BNIP3L: variants seen among roughly 807,000 people sequenced by gnomAD.
The protein encoded by BNIP3L is BCL2 interacting protein 3 like, also known as BCL2/adenovirus E1B 19 kDa protein-interacting protein 3-like.
BNIP3L carries 10 observed loss-of-function variants against 25.5 expected under a neutral mutation model. The ratio of observed to expected loss-of-function variants is 0.39; its 90% CI spans 0.24 to 0.67. The LOEUF is 0.67. BNIP3L is among the 30% of genes least tolerant of loss of function. BNIP3L has a pLI of 0.45. For missense variants in BNIP3L, 215 were observed against 270.9 expected (o/e 0.79, Z 1.45); for synonymous variants, 113 against 101.2 (o/e 1.12, Z -0.70).
intron 3 of BNIP3L, among the ~76,000 whole-genome samples, chr8:26,401,856 A>G (rs1806390456): frequency 6.6e-6 from 1 of 152,236 alleles, no homozygotes; most frequent in Non-Finnish European, 1.5e-5. Flanking sequence ...TATGGTAAGT[A>G]TATAACTGTG....
Position 26,408,101 on chromosome 8 carries a change from C to A in BNIP3L, c.459C>A (p.Pro153=). The A allele has an allele frequency of 6.2e-7, 1 of 1,614,050 alleles. No individual in the cohort carries two copies. Among genetic ancestry groups the A allele is most frequent in the Non-Finnish European group, 8.5e-7 (1 of 1,179,894 alleles). The change falls in exon 4 of 6, where the codon CCC becomes CCA. Residue 153 remains proline (P), a splice_region_variant and synonymous_variant. Coordinates refer to ENST00000380629, the MANE Select transcript of BNIP3L (RefSeq NM_004331.3). ...CCAGTAGACCCGAAAACATTCCACCCAAGTGAGTTCTCACATGTTTCTTGT... is the reference window on the plus strand; with the variant it reads ...CCAGTAGACCCGAAAACATTCCACCAAAGTGAGTTCTCACATGTTTCTTGT... ...DWSSRPENIP[P]KEFHFRHPKR...
chr8:26,394,845 A>G (rs1366642634), intron 2 of BNIP3L, among the ~76,000 whole-genome samples: 1 of 152,234 alleles, frequency 6.6e-6, no homozygotes, highest in Non-Finnish European at 1.5e-5. Context: ...CTACTGGTGA[A>G]TTATTTAATG....
Position 26,410,626 on chromosome 8 carries a change from G to C in BNIP3L, c.*214G>C. ...CCCTTTTTGGCCTGAAGACATTTTA[G>C]AATTTCCTAACAGAGTTTACTGTTG... On this transcript the variant is annotated 3_prime_UTR_variant, in exon 6 of 6. Transcript: ENST00000380629. The C allele has an allele frequency of 1.7e-6, 1 of 571,434 alleles. No individual in the cohort carries two copies. Among genetic ancestry groups the C allele is most frequent in the Non-Finnish European group, 3.1e-6 (1 of 323,352 alleles). 35.4% of individuals were successfully genotyped at this position (571,434 alleles called of 1,614,324 possible).
intron 2 of BNIP3L, among the ~76,000 whole-genome samples, chr8:26,393,475 C>T (rs1806159248): frequency 6.7e-6 from 1 of 150,204 alleles, no homozygotes; most frequent in Non-Finnish European, 1.5e-5. Context: ...TTGACAGGGG[C>T]AGGGTAGAGA....
At chr8:26,390,920 A>AT (rs1200335829) in intron 1 of BNIP3L, among the ~76,000 whole-genome samples, 4 of 151,532 alleles carry the variant, frequency 2.6e-5, no homozygotes, top group African/African-American at 2.4e-5. Flanking sequence ...AAAAGTAGCA[A>AT]TTTTTTTTTG....
intron 5 of BNIP3L, among the ~76,000 whole-genome samples, chr8:26,409,721 A>G (rs1023440872): frequency 2.0e-5 from 3 of 152,212 alleles, no homozygotes; most frequent in Admixed American, 6.5e-5. Context: ...GGCTGTAAGT[A>G]TAACTATTGC....
At chr8:26,385,046 G>T (rs1805961024) in intron 1 of BNIP3L, among the ~76,000 whole-genome samples, 1 of 152,042 alleles carries the variant, frequency 6.6e-6, no homozygotes, top group East Asian at 1.9e-4. Context: ...CTCCCAAAGT[G>T]CTGGGATTAC....
rs1806622240 is a variant in BNIP3L at position 26,411,392 on chromosome 8, T to C, written c.*980T>C. ...TTGTTTTAGGAAGCATCACCTATAC[T>C]CTGAAGCCTTTAAACTCTGAAGAGA... On this transcript the variant is annotated 3_prime_UTR_variant, in exon 6 of 6. Transcript: ENST00000380629. The C allele has an allele frequency of 6.6e-6, 1 of 152,272 alleles. No individual in the cohort carries two copies. Among genetic ancestry groups the C allele is most frequent in the South Asian group, 2.1e-4 (1 of 4,832 alleles). 9.4% of individuals were successfully genotyped at this position (152,272 alleles called of 1,614,324 possible).
chr8:26,408,444 T>C (rs1806547368), intron 5 of BNIP3L, 68 bp downstream of exon 5: 1 of 1,512,458 alleles, frequency 6.6e-7, no homozygotes, highest in Non-Finnish European at 8.9e-7. Flanking sequence ...ATTGAAGAAA[T>C]GTATGTGAAA....
chr8:26,406,808 G>C (rs1369687674), intron 3 of BNIP3L, among the ~76,000 whole-genome samples: 1 of 147,650 alleles, frequency 6.8e-6, no homozygotes, highest in Admixed American at 6.8e-5. Context: ...AGGAGACCCT[G>C]TCTCCAGAAA....
intron 1 of BNIP3L, among the ~76,000 whole-genome samples, chr8:26,384,697 G>T: frequency 6.9e-6 from 1 of 144,594 alleles, no homozygotes. Context: ...AGGTTCTCAT[G>T]TTCAGCCTGT....
At chr8:26,396,352 C>T (rs1158886612) in intron 3 of BNIP3L, among the ~76,000 whole-genome samples, 3 of 70,302 alleles carry the variant, frequency 4.3e-5, no homozygotes, top group African/African-American at 1.6e-4. Flanking sequence ...AGGCACCCCC[C>T]AGCAGGGGCA....
intron 3 of BNIP3L, chr8:26,395,742 A>G (rs202122109): frequency 0.059 from 10,223 of 173,840 alleles, 310 homozygotes; most frequent in East Asian, 0.24. Flanking sequence ...AGTGCCAGAC[A>G]GTGGGCGCAG....
chr8:26,398,891 C>G (rs1448226481), intron 3 of BNIP3L, among the ~76,000 whole-genome samples: 1 of 151,180 alleles, frequency 6.6e-6, no homozygotes, highest in African/African-American at 2.4e-5. Flanking sequence ...TCTGAATAGA[C>G]CAATAACAGG....
chr8:26,387,890 G>A (rs1806025108), intron 1 of BNIP3L, among the ~76,000 whole-genome samples: 1 of 152,204 alleles, frequency 6.6e-6, no homozygotes. Context: ...TTGCCATTTA[G>A]ATAATGGTTA....
rs562397143 is a variant in BNIP3L, at chr8:26,407,267, G to A, written c.358-733G>A. The stretch of plus-strand genomic sequence containing the variant: ...GTGGCGCGATCTCTGCTCACTGCAA[G>A]CTCCGCCTCCTGGGTTCACGCCATT... On this transcript the variant is annotated intron_variant, in intron 3 of 5. Coordinates refer to ENST00000380629, the MANE Select transcript of BNIP3L (RefSeq NM_004331.3). 2.7e-5 allele frequency among the ~76,000 whole-genome samples: 4 copies of A among 150,610 alleles called. No individual in the cohort carries two copies. In the East Asian group the frequency reaches 7.8e-4, roughly 30 times the overall value.
In BNIP3L at chr8:26,410,478, T is replaced by C; in HGVS notation, c.*66T>C. Reference sequence around the variant, plus strand: ...GTGGTGTATTGTCACAGTAGCTTATTTGAACTTGAGACCATTGTAAGCATG... The same window carrying C: ...GTGGTGTATTGTCACAGTAGCTTATCTGAACTTGAGACCATTGTAAGCATG... On this transcript the variant is annotated 3_prime_UTR_variant, in exon 6 of 6. Coordinates refer to ENST00000380629, the MANE Select transcript of BNIP3L (RefSeq NM_004331.3). 6.3e-7 allele frequency: 1 copy of C among 1,586,414 alleles called. No individual in the cohort carries two copies. Among genetic ancestry groups the C allele is most frequent in the Non-Finnish European group, 8.7e-7 (1 of 1,155,188 alleles).
intron 3 of BNIP3L, among the ~76,000 whole-genome samples, chr8:26,396,359 G>A: frequency 2.6e-5 from 2 of 77,792 alleles, no homozygotes; most frequent in Admixed American, 1.4e-4. Flanking sequence ...CCCCAGCAGG[G>A]GCACACTGAC....
At chr8:26,388,052 A>G (rs1411660127) in intron 1 of BNIP3L, among the ~76,000 whole-genome samples, 1 of 152,258 alleles carries the variant, frequency 6.6e-6, no homozygotes, top group African/African-American at 2.4e-5. Flanking sequence ...TTATAAAAAC[A>G]AAAGCAAAAA....
Sources: allele counts gnomAD v4.1 joint callset (sites outside exome capture counted in the v4.1 genomes callset), GRCh38; gene constraint gnomAD v4.1.1; transcripts MANE v1.5; gene names NCBI Gene and HGNC (gene_info 2026-07-23, HGNC 2026-07-21).